The following CCDC191 variants were observed in gnomAD, a reference collection of about 807,000 sequenced individuals.
CCDC191 encodes coiled-coil domain-containing protein 191.
Under a neutral mutation model 114.0 loss-of-function variants are expected in CCDC191, and 99 were observed. The observed-to-expected ratio is 0.87, with a 90% CI of 0.74 to 1.03. CCDC191 has a LOEUF of 1.03. CCDC191 is among the 50% of genes least tolerant of loss of function. CCDC191 has a pLI of 0.00. For missense variants in CCDC191, 973 were observed against 1,087.0 expected, an observed-to-expected ratio of 0.90 and a Z score of 1.47; for synonymous variants, 351 against 376.0, an observed-to-expected ratio of 0.93 and a Z score of 0.77.
intron 13 of CCDC191, among the ~76,000 whole-genome samples, chr3:113,995,667 G>A (rs2075700156): frequency 2.6e-5 from 4 of 152,148 alleles, no homozygotes; most frequent in African/African-American, 7.2e-5. Flanking sequence ...GGGTCAAATG[G>A]TATTTCTGGT....
intron 9 of CCDC191, among the ~76,000 whole-genome samples, chr3:114,010,268 A>G (rs2107679450): frequency 6.6e-6 from 1 of 152,322 alleles, no homozygotes; most frequent in South Asian, 2.1e-4. Context: ...GCATATGCTT[A>G]AAGACTAGAT....
In CCDC191 at chr3:113,998,306, CAAAAAAAAAAAAA is replaced by C. The variant is rs61430954; in HGVS notation, c.2163+3276_2163+3288del. 2.4e-5 allele frequency among the ~76,000 whole-genome samples: 2 copies of C among 82,618 alleles called. 1 individual carries two copies. Among genetic ancestry groups the C allele is most frequent in the African/African-American group, 9.4e-5 (2 of 21,200 alleles). 54.2% of individuals were successfully genotyped at this position (82,618 alleles called of 152,430 possible). Reference sequence around the variant, plus strand: ...GGGCAACAAGAGTGAAACTCTGCTTCAAAAAAAAAAAAAAAAAAAAAAAGTTAACTATAAAACA... The same window carrying C: ...GGGCAACAAGAGTGAAACTCTGCTTCAAAAAAAAAAGTTAACTATAAAACA... On this transcript the variant is annotated intron_variant, in intron 13 of 16. Transcript: ENST00000295878.
Position 114,056,443 on chromosome 3 carries a change from C to A in CCDC191, c.24G>T (p.Arg8Ser), listed in dbSNP as rs749109056. MLLAPQG[R>S]SFSKKRMGLN... ...GCCCCATCCTTTTCTTTGAGAAGGACCTTCCCTGAGGCGCCAGGAGCATTT... is the reference window on the plus strand; with the variant it reads ...GCCCCATCCTTTTCTTTGAGAAGGAACTTCCCTGAGGCGCCAGGAGCATTT... Residue 8 changes from arginine to serine, a missense_variant, in exon 1 of 17, where the codon AGG (arginine) becomes AGT (serine). Arg to Ser is a moderately radical substitution (Grantham distance 110). Coordinates refer to ENST00000295878, the MANE Select transcript of CCDC191 (RefSeq NM_020817.2). The A allele has an allele frequency of 2.5e-6, 4 of 1,614,178 alleles. No homozygotes were observed. The highest frequency in any genetic ancestry group is 1.6e-4 in the Middle Eastern group (1 of 6,062).
chr3:113,985,693 C>G (rs1426881705), intron 13 of CCDC191, among the ~76,000 whole-genome samples: 1 of 152,112 alleles, frequency 6.6e-6, no homozygotes, highest in African/African-American at 2.4e-5. Context: ...GGGAGCAGCA[C>G]AAAAGGAAGA....
intron 13 of CCDC191, among the ~76,000 whole-genome samples, chr3:113,989,691 C>T (rs555750772): frequency 6.6e-6 from 1 of 152,142 alleles, no homozygotes; most frequent in Admixed American, 6.5e-5. Context: ...AATTCACACA[C>T]TAGAAAAGGA....
chr3:113,972,466 T>C (rs1297759382), intron 16 of CCDC191, among the ~76,000 whole-genome samples: 1 of 152,144 alleles, frequency 6.6e-6, no homozygotes, highest in Non-Finnish European at 1.5e-5. Context: ...TTTTTTGAAT[T>C]TGTTGAGAGT....
chr3:113,992,390 G>A lies in CCDC191; in HGVS notation c.2163+9205C>T, dbSNP rs142782115. On this transcript the variant is annotated intron_variant, in intron 13 of 16. Transcript: ENST00000295878. ...TAATCAGCACAGCTGAGTGGTTCGA[G>A]GAGGCTGGGAACAGGGAAGAAAGGC... Among the ~76,000 whole-genome samples, 206 of 152,268 alleles carry A rather than the reference G, an allele frequency of 1.4e-3. 1 individual carries two copies. Among genetic ancestry groups the A allele is most frequent in the African/African-American group, 4.6e-3 (192 of 41,534 alleles).
intron 2 of CCDC191, among the ~76,000 whole-genome samples, chr3:114,052,323 C>A (rs910983511): frequency 6.6e-6 from 1 of 152,032 alleles, no homozygotes; most frequent in Admixed American, 6.6e-5. Context: ...CAAATCAGAG[C>A]AAAATTTTAT....
At chr3:114,008,521 G>A (rs1228872188) in intron 9 of CCDC191, among the ~76,000 whole-genome samples, 2 of 152,086 alleles carry the variant, frequency 1.3e-5, no homozygotes, top group African/African-American at 4.8e-5. Flanking sequence ...GTGGAGGTGA[G>A]GGGGTAGAAG....
At position 114,031,746 on chromosome 3, in the gene CCDC191, A is replaced by C. The variant is rs1559923234; in HGVS notation, c.852T>G (p.Asn284Lys). The change falls in exon 7 of 17, where the codon AAT becomes AAG. Residue 284 changes from asparagine (N) to lysine (K), a missense_variant. Coordinates refer to ENST00000295878, the MANE Select transcript of CCDC191 (RefSeq NM_020817.2). ...TTTGAAACATGACTTTTTCTGAACTATTTTGAGAATTCTCTTCTTGCCTTT... is the reference window on the plus strand; with the variant it reads ...TTTGAAACATGACTTTTTCTGAACTCTTTTGAGAATTCTCTTCTTGCCTTT... ...EKKRQEENSQ[N>K]SSEKVMFQST... The C allele has an allele frequency of 6.7e-7, 1 of 1,488,346 alleles. No homozygotes were observed. Among genetic ancestry groups the C allele is most frequent in the East Asian group, 2.3e-5 (1 of 44,202 alleles). The allele number at this position is 1,488,346 out of a possible 1,614,324, so 92.2% of individuals were successfully genotyped here.
intron 13 of CCDC191, among the ~76,000 whole-genome samples, chr3:113,994,898 A>G (rs544993860): frequency 5.8e-4 from 89 of 152,274 alleles, no homozygotes; most frequent in South Asian, 5.4e-3. Flanking sequence ...TATGAGTCCA[A>G]ACAAAAACCT....
rs144435002 is a variant in CCDC191, at chr3:114,002,515, G to A, written c.2002C>T (p.Arg668Ter). The A allele has an allele frequency of 7.6e-5, 123 of 1,609,914 alleles. No homozygotes were observed. The highest frequency in any genetic ancestry group is 2.9e-4 in the Admixed American group (17 of 59,502). Residue 668 changes from arginine (R) to a stop codon, truncating the protein, a stop_gained, in exon 12 of 17, where the codon CGA becomes TGA. Coordinates refer to ENST00000295878, the MANE Select transcript of CCDC191 (RefSeq NM_020817.2). LOFTEE classifies it high-confidence loss of function. ...GCCAAGATCCGCCTACATTCAGCTCGTTGAATTGCTCTCTCTTCCATAGCT... is the reference window on the plus strand; with the variant it reads ...GCCAAGATCCGCCTACATTCAGCTCATTGAATTGCTCTCTCTTCCATAGCT... ...LKAMEERAIQRAECRRILAEK... is the reference protein window; with the variant it reads ...LKAMEERAIQ
chr3:113,994,439 G>A (rs1405946654), intron 13 of CCDC191, among the ~76,000 whole-genome samples: 1 of 152,104 alleles, frequency 6.6e-6, no homozygotes, highest in Non-Finnish European at 1.5e-5. Context: ...TTTATCACTG[G>A]TAGGAACACA....
At chr3:114,002,672 AT>A (rs1262295910) in intron 11 of CCDC191, 134 bp from the exon 12 acceptor site, 1 of 1,264,492 alleles carries the variant, frequency 7.9e-7, no homozygotes, top group East Asian at 2.7e-5. Context: ...AATGTTCACA[AT>A]CTCAGAAAAT....
At chr3:114,001,834 A>G (rs2075862132) in intron 12 of CCDC191, 138 bp from the exon 13 acceptor site, 1 of 1,040,216 alleles carries the variant, frequency 9.6e-7, no homozygotes, top group African/African-American at 1.6e-5. Context: ...TGATAAAAGT[A>G]GAAAACTCAA....
rs890374663 is a variant in CCDC191, at chr3:114,011,668, G to A, written c.1164-647C>T. ...TGTAAAGGGCAAAGGCAAGGCCCCT[G>A]GTCTCATGGAACTCATTTATTTTCT... On this transcript the variant is annotated intron_variant, in intron 8 of 16. Transcript: ENST00000295878. 2.6e-5 allele frequency among the ~76,000 whole-genome samples: 4 copies of A among 152,254 alleles called. No individual in the cohort carries two copies. The East Asian group carries it at 5.8e-4, about 22-fold the overall frequency.
chr3:114,011,133 C>G (rs1444886040), intron 8 of CCDC191, 112 bp from the exon 9 acceptor site: 1 of 1,182,036 alleles, frequency 8.5e-7, no homozygotes. Flanking sequence ...CATCTTAGCT[C>G]TCGCTTAACA....
chr3:113,966,192 GCAATAACAA>G (rs1940148013), intron 16 of CCDC191, among the ~76,000 whole-genome samples: 1 of 152,148 alleles, frequency 6.6e-6, no homozygotes, highest in Admixed American at 6.6e-5. Flanking sequence ...TCCAACAGCA[GCAATAACAA>G]CAAAGAACCA....
chr3:113,995,719 G>A (rs2107645403), intron 13 of CCDC191, among the ~76,000 whole-genome samples: 1 of 152,326 alleles, frequency 6.6e-6, no homozygotes, highest in African/African-American at 2.4e-5. Flanking sequence ...CACAATGGTT[G>A]AACTAGTTTA....
Sources: allele counts gnomAD v4.1 joint callset (sites outside exome capture counted in the v4.1 genomes callset), GRCh38; gene constraint gnomAD v4.1.1; transcripts MANE v1.5; gene names NCBI Gene and HGNC (gene_info 2026-07-23, HGNC 2026-07-21).